BRINP3: variants seen among roughly 807,000 people sequenced by gnomAD.
BRINP3 encodes BMP/retinoic acid inducible neural specific 3.
BRINP3 carries 19 observed loss-of-function variants against 71.0 expected under a neutral mutation model. That is an observed-to-expected ratio of 0.27 (90% CI 0.19 to 0.39). BRINP3 has a LOEUF of 0.39. Among genes scored for constraint, BRINP3 ranks in the 10% least tolerant of loss-of-function variants. BRINP3 has a pLI of 1.00. For missense variants in BRINP3, 959 were observed against 940.8 expected (o/e 1.02, Z -0.25); for synonymous variants, 380 against 337.7 (o/e 1.13, Z -1.37).
intron 2 of BRINP3, among the ~76,000 whole-genome samples, chr1:190,449,057 A>T (rs1463818747): frequency 6.6e-6 from 1 of 152,040 alleles, no homozygotes; most frequent in East Asian, 1.9e-4. Flanking sequence ...ATCGGAGTTT[A>T]TAAACCTGGG....
chr1:190,452,405 A>G (rs1044020669), intron 2 of BRINP3, among the ~76,000 whole-genome samples: 1 of 152,236 alleles, frequency 6.6e-6, no homozygotes, highest in African/African-American at 2.4e-5. Context: ...TAGTAAGGAT[A>G]AGTAGCACAG....
chr1:190,274,336 C>T (rs1237707251), intron 3 of BRINP3, among the ~76,000 whole-genome samples: 2 of 151,142 alleles, frequency 1.3e-5, no homozygotes, highest in African/African-American at 4.8e-5. Flanking sequence ...TGAGTTAGTC[C>T]ATTGTCCTAT....
At chr1:190,449,215 G>A (rs1024108015) in intron 2 of BRINP3, among the ~76,000 whole-genome samples, 1 of 151,718 alleles carries the variant, frequency 6.6e-6, no homozygotes, top group Non-Finnish European at 1.5e-5. Context: ...CATTTGTGTG[G>A]CTACATTTTA....
At chr1:190,323,461 T>A (rs1168776396) in intron 2 of BRINP3, among the ~76,000 whole-genome samples, 1 of 151,924 alleles carries the variant, frequency 6.6e-6, no homozygotes, top group Non-Finnish European at 1.5e-5. Flanking sequence ...ATGAAAACCC[T>A]TTAACGATTG....
At chr1:190,183,134 CA>C (rs774981336) in intron 6 of BRINP3, among the ~76,000 whole-genome samples, 38 of 151,968 alleles carry the variant, frequency 2.5e-4, no homozygotes, top group Admixed American at 1.2e-3. Context: ...TATTTTCAAG[CA>C]TGTTCATAAT....
chr1:190,348,107 T>A (rs1035186707), intron 2 of BRINP3, among the ~76,000 whole-genome samples: 2 of 152,122 alleles, frequency 1.3e-5, no homozygotes, highest in African/African-American at 4.8e-5. Context: ...AAAATTCTAA[T>A]AGGGAAGAGA....
intron 7 of BRINP3, among the ~76,000 whole-genome samples, chr1:190,119,482 G>T (rs1429629988): frequency 6.6e-6 from 1 of 151,972 alleles, no homozygotes; most frequent in Non-Finnish European, 1.5e-5. Context: ...CACCATTTTG[G>T]TCGGGGGGTC....
chr1:190,450,757 A>G (rs940183557), intron 2 of BRINP3, among the ~76,000 whole-genome samples: 1 of 152,138 alleles, frequency 6.6e-6, no homozygotes, highest in Non-Finnish European at 1.5e-5. Flanking sequence ...CATATAAAAT[A>G]GGCTTATATA....
intron 6 of BRINP3, among the ~76,000 whole-genome samples, chr1:190,225,260 G>T (rs1342219033): frequency 2.0e-5 from 3 of 151,950 alleles, no homozygotes; most frequent in African/African-American, 7.2e-5. Context: ...AAGAGAATGT[G>T]TTATATATAC....
At chr1:190,373,811 A>T (rs2102206493) in intron 2 of BRINP3, among the ~76,000 whole-genome samples, 1 of 151,720 alleles carries the variant, frequency 6.6e-6, no homozygotes, top group South Asian at 2.1e-4. Flanking sequence ...TTCGTGCAAA[A>T]GTAAAACAAT....
intron 2 of BRINP3, among the ~76,000 whole-genome samples, chr1:190,369,711 G>T (rs1309090940): frequency 6.6e-5 from 10 of 151,790 alleles, no homozygotes; most frequent in Admixed American, 6.6e-4. Flanking sequence ...TACTTTCTGT[G>T]ACTAGCTTGC....
chr1:190,345,236 C>G (rs557347514), intron 2 of BRINP3, among the ~76,000 whole-genome samples: 1 of 151,660 alleles, frequency 6.6e-6, no homozygotes, highest in Non-Finnish European at 1.5e-5. Context: ...TGTTCATAAT[C>G]GTTCCAGAAA....
At chr1:190,228,617 G>C (rs1657630876) in intron 5 of BRINP3, among the ~76,000 whole-genome samples, 1 of 151,886 alleles carries the variant, frequency 6.6e-6, no homozygotes, top group Non-Finnish European at 1.5e-5. Flanking sequence ...CTCACATTCT[G>C]TAAAACCATT....
At chr1:190,226,982 C>T (rs577141724) in intron 5 of BRINP3, among the ~76,000 whole-genome samples, 1 of 151,858 alleles carries the variant, frequency 6.6e-6, no homozygotes, top group African/African-American at 2.4e-5. Context: ...AGTAAAGTTG[C>T]TATCTCTTAA....
chr1:190,278,460 T>C (rs1571612203), intron 3 of BRINP3, among the ~76,000 whole-genome samples: 1 of 151,664 alleles, frequency 6.6e-6, no homozygotes, highest in East Asian at 1.9e-4. Flanking sequence ...ACTAAAAAGA[T>C]TTTAGTGTAA....
intron 6 of BRINP3, among the ~76,000 whole-genome samples, chr1:190,207,024 A>T (rs1325758449): frequency 6.7e-6 from 1 of 148,472 alleles, no homozygotes. Flanking sequence ...AGTGGAAAAT[A>T]AAAAAAAATT....
chr1:190,396,150 GATA>G (rs1288567021), intron 2 of BRINP3, among the ~76,000 whole-genome samples: 1 of 151,776 alleles, frequency 6.6e-6, no homozygotes, highest in African/African-American at 2.4e-5. Context: ...AAACCCAGGA[GATA>G]ATAAAGTTAA....
intron 6 of BRINP3, among the ~76,000 whole-genome samples, chr1:190,201,648 C>T (rs1335225315): frequency 2.0e-5 from 3 of 152,210 alleles, no homozygotes; most frequent in African/African-American, 7.2e-5. Context: ...AGGTCACATG[C>T]TGTGTGTAGC....
At chr1:190,223,277 C>G (rs1657049367) in intron 6 of BRINP3, among the ~76,000 whole-genome samples, 1 of 151,862 alleles carries the variant, frequency 6.6e-6, no homozygotes, top group South Asian at 2.1e-4. Context: ...AGATAATCAA[C>G]AAAACACTAG....
Sources: allele counts gnomAD v4.1 joint callset (sites outside exome capture counted in the v4.1 genomes callset), GRCh38; gene constraint gnomAD v4.1.1; transcripts MANE v1.5; gene names NCBI Gene and HGNC (gene_info 2026-07-23, HGNC 2026-07-21).